The following PHAF1 variants were observed in gnomAD, a reference collection of about 807,000 sequenced individuals.
PHAF1 encodes the protein phagosome assembly factor 1.
In PHAF1, 23 loss-of-function variants were observed where a neutral mutation model predicts 63.1. The observed-to-expected ratio is 0.36, with a 90% CI of 0.26 to 0.52. The LOEUF (loss-of-function observed/expected upper bound fraction) is 0.52. Ranked by LOEUF, PHAF1 falls within the 20% of genes least tolerant of loss-of-function variation. PHAF1 has a pLI of 0.93. For missense variants in PHAF1, 427 were observed against 517.2 expected, an observed-to-expected ratio of 0.83 and a Z score of 1.69; for synonymous variants, 167 against 185.0, an observed-to-expected ratio of 0.90 and a Z score of 0.79.
At chr16:67,111,000 C>T (rs1435134254) in intron 1 of PHAF1, among the ~76,000 whole-genome samples, 2 of 151,998 alleles carry the variant, frequency 1.3e-5, no homozygotes, top group Non-Finnish European at 2.9e-5. Flanking sequence ...TTAGTAGAGA[C>T]GAGGTTTCAC....
At chr16:67,115,470 A>G (rs1009401118) in intron 1 of PHAF1, among the ~76,000 whole-genome samples, 2 of 152,240 alleles carry the variant, frequency 1.3e-5, no homozygotes, top group African/African-American at 4.8e-5. Flanking sequence ...CAAAGGGTGA[A>G]CAGTGGAAAG....
At chr16:67,117,435 T>C (rs1033274565) in intron 1 of PHAF1, among the ~76,000 whole-genome samples, 3 of 151,728 alleles carry the variant, frequency 2.0e-5, no homozygotes, top group African/African-American at 7.3e-5. Context: ...TGGAGGCATA[T>C]GTAAATCTGC....
intron 12 of PHAF1, 45 bp downstream of exon 12, chr16:67,144,922 T>C (rs1193170112): frequency 2.5e-6 from 4 of 1,588,214 alleles, no homozygotes; most frequent in Non-Finnish European, 3.5e-6. Context: ...TTTTAGAGTC[T>C]GTTTTCCACT....
chr16:67,140,464 T>G, intron 9 of PHAF1, 47 bp from the exon 10 acceptor site: 1 of 1,401,138 alleles, frequency 7.1e-7, no homozygotes, highest in Non-Finnish European at 1.0e-6. Flanking sequence ...AATCCAGAAC[T>G]ATATTAGAGG....
intron 3 of PHAF1, among the ~76,000 whole-genome samples, chr16:67,129,497 G>A (rs1963309659): frequency 6.6e-6 from 1 of 152,222 alleles, no homozygotes; most frequent in Non-Finnish European, 1.5e-5. Flanking sequence ...TAGGGATAGG[G>A]TCTCTGGCCA....
intron 3 of PHAF1, among the ~76,000 whole-genome samples, chr16:67,129,785 G>A (rs986169441): frequency 2.0e-5 from 3 of 152,208 alleles, no homozygotes; most frequent in Non-Finnish European, 2.9e-5. Flanking sequence ...CACTGATGGC[G>A]GAGTGTTAGG....
intron 8 of PHAF1, among the ~76,000 whole-genome samples, chr16:67,138,728 C>G (rs1164881236): frequency 6.6e-6 from 1 of 152,140 alleles, no homozygotes; most frequent in African/African-American, 2.4e-5. Context: ...TTTGGCAAAT[C>G]AGAAGGTCTT....
intron 1 of PHAF1, among the ~76,000 whole-genome samples, chr16:67,119,517 C>T (rs544631809): frequency 1.3e-5 from 2 of 150,412 alleles, no homozygotes; most frequent in South Asian, 2.1e-4. Flanking sequence ...ATGCATCATA[C>T]GCATCTTTTT....
Position 67,140,426 on chromosome 16 carries a change from A to G in PHAF1, c.796-85A>G, listed in dbSNP as rs942960874. On this transcript the variant is annotated intron_variant, in intron 9 of 15. Transcript: ENST00000219139. ...CTTGTTCCGCAGCTTAATGTTACACATGGAACACAATTTGTAGACTTTCAG... is the reference window on the plus strand; with the variant it reads ...CTTGTTCCGCAGCTTAATGTTACACGTGGAACACAATTTGTAGACTTTCAG... 5.8e-6 allele frequency: 7 copies of G among 1,202,548 alleles called. No individual in the cohort carries two copies. The African/African-American group carries it at 6.0e-5, about 10-fold the overall frequency. The allele number at this position is 1,202,548 out of a possible 1,614,324, so 74.5% of individuals were successfully genotyped here. A position where few individuals can be genotyped will look rare whatever the true frequency, so the allele number is the denominator to read the frequency against.
Position 67,147,342 on chromosome 16 carries a change from C to G in PHAF1, c.*211C>G. The stretch of plus-strand genomic sequence containing the variant: ...TCCATCTTTGGCCTGCTGGTGCCAG[C>G]AGGGGACACAGACTGCAAAGAGAAG... On this transcript the variant is annotated 3_prime_UTR_variant, in exon 16 of 16. Coordinates refer to ENST00000219139, the MANE Select transcript of PHAF1 (RefSeq NM_025187.5). 1.8e-6 allele frequency: 1 copy of G among 548,140 alleles called. No individual in the cohort carries two copies. The highest frequency in any genetic ancestry group is 3.2e-6 in the Non-Finnish European group (1 of 308,790). The allele number at this position is 548,140 out of a possible 1,614,324, so 34.0% of individuals were successfully genotyped here. A position where few individuals can be genotyped will look rare whatever the true frequency, so the allele number is the denominator to read the frequency against.
In PHAF1 at chr16:67,144,815, C is replaced by T. The variant is rs767583195; in HGVS notation, c.963-19C>T. On this transcript the variant is annotated intron_variant, in intron 11 of 15. Coordinates refer to ENST00000219139, the MANE Select transcript of PHAF1 (RefSeq NM_025187.5). ...GCCTTCTAGGAGGCCCAGCCTTTAC[C>T]CATTTGCCTTCTCTCTAGTTATCAT... 1.9e-6 allele frequency: 3 copies of T among 1,613,792 alleles called. No individual in the cohort carries two copies. Among genetic ancestry groups the T allele is most frequent in the East Asian group, 2.2e-5 (1 of 44,878 alleles).
In PHAF1 at chr16:67,144,335, T is replaced by G. The variant is rs1337870525; in HGVS notation, c.921T>G (p.Phe307Leu). The change falls in exon 11 of 16, where the codon TTT becomes TTG. Residue 307 changes from phenylalanine to leucine, a missense_variant. Phe to Leu is a conservative substitution (Grantham distance 22, BLOSUM62 0). Transcript: ENST00000219139. ...CGAATACACACAAAGTGAAGAAGTT[T>G]GTTCTACACACCAATTACCCTGGGC... ...FDANTHKVKKFVLHTNYPGHY... is the reference protein window; with the variant it reads ...FDANTHKVKKLVLHTNYPGHY... 9 of 1,612,288 alleles carry G rather than the reference T, an allele frequency of 5.6e-6. No individual in the cohort carries two copies. The highest frequency in any genetic ancestry group is 8.5e-7 in the Non-Finnish European group (1 of 1,178,468).
rs1261889241 is a variant in PHAF1, at chr16:67,139,984, G to A, written c.662G>A (p.Gly221Asp). The A allele has an allele frequency of 1.2e-6, 2 of 1,613,638 alleles. No homozygotes were observed. Among genetic ancestry groups the A allele is most frequent in the South Asian group, 1.1e-5 (1 of 90,964 alleles). Residue 221 changes from glycine to aspartate, a missense_variant and splice_region_variant, in exon 9 of 16, where the codon GGT (glycine) becomes GAT (aspartate). Physicochemically the swap from Gly to Asp is moderately conservative, Grantham distance 94. Transcript: ENST00000219139. The stretch of plus-strand genomic sequence containing the variant: ...AACCTCTCTGTCTTGTTTTTTGCAG[G>A]TTGTGGACCTGGCCTATTAGCAGAT... ...AGLRLRLLAA[G>D]CGPGLLADAK...
intron 11 of PHAF1, 131 bp from the exon 12 acceptor site, chr16:67,144,701 ACT>A (rs1963927960): frequency 4.9e-6 from 5 of 1,027,390 alleles, no homozygotes; most frequent in Non-Finnish European, 7.3e-6. Context: ...CCCAGTGAAC[ACT>A]GTCAGGCACT....
intron 2 of PHAF1, among the ~76,000 whole-genome samples, chr16:67,123,827 T>C (rs980765935): frequency 6.6e-6 from 1 of 152,210 alleles, no homozygotes; most frequent in Non-Finnish European, 1.5e-5. Context: ...TTCAGAAATA[T>C]GTTCTTGTCT....
At chr16:67,141,616 GC>G (rs1456122505) in intron 10 of PHAF1, among the ~76,000 whole-genome samples, 1 of 152,224 alleles carries the variant, frequency 6.6e-6, no homozygotes, top group Non-Finnish European at 1.5e-5. Context: ...GTGGCATCCG[GC>G]CACTGTGCCC....
Position 67,134,447 on chromosome 16 carries a change from G to T in PHAF1, c.641G>T (p.Arg214Leu). 3 of 1,613,256 alleles carry T rather than the reference G, an allele frequency of 1.9e-6. No individual in the cohort carries two copies. Among genetic ancestry groups the T allele is most frequent in the South Asian group, 2.2e-5 (2 of 91,056 alleles). The change falls in exon 8 of 16, where the codon CGA becomes CTA. Residue 214 changes from arginine to leucine, a missense_variant. Transcript: ENST00000219139. ...LRDGTGPAGL[R>L]LRLLAAGCGP... ...GATGGAACTGGACCTGCAGGTTTACGACTTCGCCTACTTGCTGCAGGTCAG... is the reference window on the plus strand; with the variant it reads ...GATGGAACTGGACCTGCAGGTTTACTACTTCGCCTACTTGCTGCAGGTCAG...
At chr16:67,123,216 G>A (rs1020910430) in intron 2 of PHAF1, among the ~76,000 whole-genome samples, 12 of 150,416 alleles carry the variant, frequency 8.0e-5, no homozygotes, top group African/African-American at 2.0e-4. Flanking sequence ...GGCTCCAGCC[G>A]TCCTCCCACC....
chr16:67,113,702 G>A (rs1962620448), intron 1 of PHAF1, among the ~76,000 whole-genome samples: 1 of 150,640 alleles, frequency 6.6e-6, no homozygotes, highest in African/African-American at 2.5e-5. Flanking sequence ...GCCCACCTCG[G>A]CCTCCCAAAG....
Sources: allele counts gnomAD v4.1 joint callset (sites outside exome capture counted in the v4.1 genomes callset), GRCh38; gene constraint gnomAD v4.1.1; transcripts MANE v1.5; gene names NCBI Gene and HGNC (gene_info 2026-07-23, HGNC 2026-07-21).